PIK3R1: variants seen among roughly 807,000 people sequenced by gnomAD.
The protein encoded by PIK3R1 is phosphatidylinositol 3-kinase regulatory subunit alpha.
A neutral mutation model predicts 98.0 loss-of-function variants in PIK3R1; 29 were observed. The ratio of observed to expected loss-of-function variants is 0.30; its 90% CI spans 0.22 to 0.40. PIK3R1 has a LOEUF of 0.40. Ranked by LOEUF, PIK3R1 falls within the 10% of genes least tolerant of loss-of-function variation. The pLI is 1.00. For missense variants in PIK3R1, 596 were observed against 872.7 expected (o/e 0.68, Z 3.99); for synonymous variants, 282 against 311.8 (o/e 0.90, Z 1.01).
chr5:68,246,698 A>G (rs1745106576), intron 2 of PIK3R1, among the ~76,000 whole-genome samples: 1 of 151,122 alleles, frequency 6.6e-6, no homozygotes, highest in Admixed American at 6.6e-5. Context: ...ATCTTGGCTC[A>G]CTGCAAGCTC....
chr5:68,273,871 G>A (rs1359634858), intron 3 of PIK3R1, 68 bp from the exon 4 acceptor site: 8 of 1,186,070 alleles, frequency 6.7e-6, no homozygotes, highest in Non-Finnish European at 1.3e-6. Context: ...GTCTCTGGCA[G>A]CAGCCTCACA....
chr5:68,227,023 A>AGT lies in PIK3R1; in HGVS notation c.334+16_334+17dup, dbSNP rs1744304154. Reference sequence around the variant, plus strand: ...TTGAACAACAAGGTCAGTATTGATAAGTGGTTGCTTAATGACTCCCTTTCT... The same window carrying AGT: ...TTGAACAACAAGGTCAGTATTGATAAGTGTGGTTGCTTAATGACTCCCTTTCT... On this transcript the variant is annotated intron_variant, in intron 2 of 15. Transcript: ENST00000521381. 6.3e-7 allele frequency: 1 copy of AGT among 1,578,040 alleles called. No individual in the cohort carries two copies. The highest frequency in any genetic ancestry group is 1.9e-5 in the Admixed American group (1 of 52,878).
intron 2 of PIK3R1, among the ~76,000 whole-genome samples, chr5:68,266,938 T>G (rs80342441): frequency 0.027 from 4,101 of 152,312 alleles, 87 homozygotes; most frequent in African/African-American, 0.05. Flanking sequence ...CCACTGTGTG[T>G]CATGGCCTGT....
chr5:68,284,940 T>G (rs934908233), intron 7 of PIK3R1, among the ~76,000 whole-genome samples: 3 of 152,230 alleles, frequency 2.0e-5, no homozygotes, highest in African/African-American at 7.2e-5. Context: ...GTTGATAGTT[T>G]GCTGTTCTAT....
rs1387208280 is a variant in PIK3R1 at position 68,301,547 on chromosome 5, C to A, written c.*3946C>A. ...CAAAACAAAAAAAAACTCATTTATA[C>A]CTGTGTATTTTTTAAAGCTACAATC... On this transcript the variant is annotated 3_prime_UTR_variant, in exon 16 of 16. Transcript: ENST00000521381. The A allele has an allele frequency of 6.6e-6, 1 of 151,188 alleles. No individual in the cohort carries two copies. Among genetic ancestry groups the A allele is most frequent in the Non-Finnish European group, 1.4e-5 (1 of 70,374 alleles). The allele number at this position is 151,188 out of a possible 1,614,324, so 9.4% of individuals were successfully genotyped here. A position where few individuals can be genotyped will look rare whatever the true frequency, so the allele number is the denominator to read the frequency against.
chr5:68,251,431 TA>T (rs769102474), intron 2 of PIK3R1, among the ~76,000 whole-genome samples: 41 of 151,972 alleles, frequency 2.7e-4, no homozygotes, highest in Non-Finnish European at 5.3e-4. Flanking sequence ...TAATAATTTT[TA>T]TAATGAGTAT....
At chr5:68,275,551 G>A (rs995019971) in intron 4 of PIK3R1, among the ~76,000 whole-genome samples, 1 of 151,504 alleles carries the variant, frequency 6.6e-6, no homozygotes, top group Admixed American at 6.6e-5. Flanking sequence ...CACACCACTC[G>A]TGAGATAGAG....
chr5:68,284,061 T>C (rs1746968766), intron 7 of PIK3R1, among the ~76,000 whole-genome samples: 1 of 152,230 alleles, frequency 6.6e-6, no homozygotes, highest in Admixed American at 6.5e-5. Context: ...TAGATCTGGA[T>C]TGGAATCTCA....
rs776240093 is a variant in PIK3R1, at chr5:68,293,073, T to G, written c.1020-28T>G. ...AATCTGTGGTCACTAAACCTTAAGA[T>G]GAGCATTGTTTTGTGTTTTCATTTC... On this transcript the variant is annotated intron_variant, in intron 8 of 15. Coordinates refer to ENST00000521381, the MANE Select transcript of PIK3R1 (RefSeq NM_181523.3). The G allele has an allele frequency of 2.6e-6, 4 of 1,535,000 alleles. No homozygotes were observed. The African/African-American group carries it at 4.1e-5, about 16-fold the overall frequency.
chr5:68,288,238 A>C (rs778218543), intron 7 of PIK3R1: 3 of 206,856 alleles, frequency 1.5e-5, no homozygotes, highest in Non-Finnish European at 2.8e-5. Flanking sequence ...TCCCAGGCGA[A>C]AATGAGCAAG....
chr5:68,291,130 G>A (rs1747364801), intron 7 of PIK3R1: 1 of 287,374 alleles, frequency 3.5e-6, no homozygotes, highest in African/African-American at 2.2e-5. Context: ...GTTATGTTGT[G>A]GGATATTGTC....
intron 8 of PIK3R1, 132 bp from the exon 9 acceptor site, chr5:68,292,969 G>A (rs1478719468): frequency 2.8e-6 from 2 of 717,348 alleles, no homozygotes; most frequent in Non-Finnish European, 4.6e-6. Flanking sequence ...GGAGGAATAT[G>A]GGCACTCACT....
chr5:68,262,644 C>T (rs114381455), intron 2 of PIK3R1, among the ~76,000 whole-genome samples: 4,151 of 112,326 alleles, frequency 0.037, 99 homozygotes, highest in African/African-American at 0.053. Flanking sequence ...CACATGTATA[C>T]ACATGTATCT....
chr5:68,274,709 A>G (rs1746502129), intron 4 of PIK3R1, among the ~76,000 whole-genome samples: 1 of 152,200 alleles, frequency 6.6e-6, no homozygotes, highest in South Asian at 2.1e-4. Context: ...TTGTTAAATA[A>G]CACTAATTAA....
chr5:68,235,809 G>A (rs991017253), intron 2 of PIK3R1, among the ~76,000 whole-genome samples: 4 of 151,938 alleles, frequency 2.6e-5, no homozygotes, highest in African/African-American at 9.7e-5. Flanking sequence ...TATTGAAAAT[G>A]TCTTCTTCAA....
chr5:68,280,750 A>G (rs1323008895), intron 6 of PIK3R1, 21 bp downstream of exon 6: 3 of 1,607,168 alleles, frequency 1.9e-6, no homozygotes, highest in Non-Finnish European at 2.6e-6. Context: ...GGAGACAAAC[A>G]TGTATTTTGG....
At chr5:68,250,664 G>A (rs1448963768) in intron 2 of PIK3R1, among the ~76,000 whole-genome samples, 1 of 152,108 alleles carries the variant, frequency 6.6e-6, no homozygotes, top group Non-Finnish European at 1.5e-5. Context: ...CTTTTTTGGG[G>A]AAAATGTGTT....
chr5:68,297,751 A>G lies in PIK3R1; in HGVS notation c.*150A>G, dbSNP rs1747811605. ...GGACTAGAGCTTTCTTTCACAAAAA[A>G]GAAGTAGGGGAAGACATGCAGCCTA... On this transcript the variant is annotated 3_prime_UTR_variant, in exon 16 of 16. Coordinates refer to ENST00000521381, the MANE Select transcript of PIK3R1 (RefSeq NM_181523.3). 2 of 648,204 alleles carry G rather than the reference A, an allele frequency of 3.1e-6. No individual in the cohort carries two copies. The highest frequency in any genetic ancestry group is 5.6e-5 in the Admixed American group (2 of 35,594). The allele number at this position is 648,204 out of a possible 1,614,324, so 40.2% of individuals were successfully genotyped here. A position where few individuals can be genotyped will look rare whatever the true frequency, so the allele number is the denominator to read the frequency against.
chr5:68,257,051 T>A (rs1004434807), intron 2 of PIK3R1, among the ~76,000 whole-genome samples: 3 of 152,226 alleles, frequency 2.0e-5, no homozygotes, highest in African/African-American at 4.8e-5. Context: ...CCAGGACCTT[T>A]CATGGTCCAG....
Sources: allele counts gnomAD v4.1 joint callset (sites outside exome capture counted in the v4.1 genomes callset), GRCh38; gene constraint gnomAD v4.1.1; transcripts MANE v1.5; gene names NCBI Gene and HGNC (gene_info 2026-07-23, HGNC 2026-07-21).